The following KALRN variants were observed in gnomAD, a reference collection of about 807,000 sequenced individuals.
The protein encoded by KALRN is kalirin RhoGEF kinase.
KALRN carries 70 observed loss-of-function variants against 353.7 expected under a neutral mutation model. That is an observed-to-expected ratio of 0.20 (90% confidence interval 0.16 to 0.24). The LOEUF is 0.24. Among genes scored for constraint, KALRN ranks in the 10% least tolerant of loss-of-function variants. The pLI, the probability that KALRN is intolerant of heterozygous loss-of-function variation, is 1.00. For synonymous variants in KALRN, 1,391 were observed against 1,434.8 expected, an observed-to-expected ratio of 0.97 and a Z score of 0.69; for missense variants, 2,791 against 3,756.7, an observed-to-expected ratio of 0.74 and a Z score of 6.72.
At chr3:124,135,561 G>T (rs1055037594) in intron 1 of KALRN, among the ~76,000 whole-genome samples, 1 of 152,170 alleles carries the variant, frequency 6.6e-6, no homozygotes. Flanking sequence ...CTTTGAAAGG[G>T]TGTGGGGGTG....
chr3:124,452,184 G>A (rs2058851138), intron 21 of KALRN, among the ~76,000 whole-genome samples: 1 of 152,124 alleles, frequency 6.6e-6, no homozygotes, highest in South Asian at 2.1e-4. Context: ...ACTCCCAGTG[G>A]GGACCATGGC....
At chr3:124,580,383 G>C (rs1263500440) in intron 34 of KALRN, among the ~76,000 whole-genome samples, 4 of 151,748 alleles carry the variant, frequency 2.6e-5, no homozygotes, top group East Asian at 3.9e-4. Flanking sequence ...TGGGGAGGGG[G>C]GACTCAGGCA....
chr3:124,683,691 C>A (rs1169341864), intron 51 of KALRN, among the ~76,000 whole-genome samples: 1 of 152,198 alleles, frequency 6.6e-6, no homozygotes, highest in Non-Finnish European at 1.5e-5. Context: ...ATTCAACATG[C>A]CACTGGCCTC....
intron 33 of KALRN, among the ~76,000 whole-genome samples, chr3:124,515,590 T>C (rs77865029): frequency 1.2e-4 from 19 of 152,158 alleles, no homozygotes; most frequent in East Asian, 9.7e-4. Flanking sequence ...AAAAAGTTGA[T>C]CTCAGGCTCT....
chr3:124,188,481 G>A (rs956721670), intron 1 of KALRN, among the ~76,000 whole-genome samples: 3 of 152,220 alleles, frequency 2.0e-5, no homozygotes, highest in African/African-American at 7.2e-5. Flanking sequence ...GGCTGGTTCT[G>A]ACAGAAATTG....
chr3:124,084,589 A>G (rs556020000), intron 1 of KALRN, among the ~76,000 whole-genome samples: 1 of 152,340 alleles, frequency 6.6e-6, no homozygotes, highest in South Asian at 2.1e-4. Context: ...GAAAGAAGGA[A>G]GCATGTTTAG....
chr3:124,090,197 G>C (rs1009105736), intron 1 of KALRN, among the ~76,000 whole-genome samples: 8 of 152,150 alleles, frequency 5.3e-5, no homozygotes, highest in African/African-American at 1.9e-4. Context: ...GAAGCCCCCA[G>C]AGAAGGGGTA....
At chr3:124,480,052 A>G (rs534266597) in intron 27 of KALRN, among the ~76,000 whole-genome samples, 1 of 152,264 alleles carries the variant, frequency 6.6e-6, no homozygotes, top group Non-Finnish European at 1.5e-5. Flanking sequence ...ATCACACAGC[A>G]TGGGTGTGAT....
chr3:124,671,293 C>T (rs970004917), intron 47 of KALRN, among the ~76,000 whole-genome samples: 1 of 152,168 alleles, frequency 6.6e-6, no homozygotes, highest in African/African-American at 2.4e-5. Context: ...TCCTCTTCCT[C>T]CTAGACACCC....
intron 23 of KALRN, among the ~76,000 whole-genome samples, chr3:124,457,399 A>G (rs934464171): frequency 6.6e-6 from 1 of 152,120 alleles, no homozygotes. Context: ...ATTCCCATCA[A>G]TAGTGTCACT....
intron 32 of KALRN, among the ~76,000 whole-genome samples, chr3:124,495,994 T>TATATAC (rs2063763461): frequency 2.3e-4 from 13 of 57,462 alleles, no homozygotes; most frequent in Non-Finnish European, 3.0e-4. Context: ...TATATATATA[T>TATATAC]ATATATATAT....
chr3:124,143,283 A>T (rs1022864239), intron 1 of KALRN, among the ~76,000 whole-genome samples: 1 of 152,138 alleles, frequency 6.6e-6, no homozygotes, highest in Non-Finnish European at 1.5e-5. Context: ...TGTCATGTGG[A>T]TGGTGGATGT....
At chr3:124,143,223 C>T (rs1390783519) in intron 1 of KALRN, among the ~76,000 whole-genome samples, 1 of 152,106 alleles carries the variant, frequency 6.6e-6, no homozygotes, top group Non-Finnish European at 1.5e-5. Context: ...TCCGCAGCCA[C>T]CAAAAAAGCT....
At chr3:124,183,853 T>C (rs1285966261) in intron 1 of KALRN, among the ~76,000 whole-genome samples, 1 of 152,220 alleles carries the variant, frequency 6.6e-6, no homozygotes, top group Non-Finnish European at 1.5e-5. Context: ...TAAAAATGTC[T>C]TTGTTCCAGG....
At chr3:124,235,210 G>A (rs968290706) in intron 3 of KALRN, among the ~76,000 whole-genome samples, 4 of 152,200 alleles carry the variant, frequency 2.6e-5, no homozygotes, top group Non-Finnish European at 5.9e-5. Flanking sequence ...CTATGACACT[G>A]ATTTAGGTCA....
At chr3:124,639,440 G>T (rs1037845025) in intron 37 of KALRN, among the ~76,000 whole-genome samples, 4 of 152,034 alleles carry the variant, frequency 2.6e-5, no homozygotes, top group Non-Finnish European at 4.4e-5. Flanking sequence ...ATTATTTTTT[G>T]CTCTATTAGT....
At chr3:124,332,425 C>T (rs1012317199) in intron 8 of KALRN, among the ~76,000 whole-genome samples, 3 of 152,066 alleles carry the variant, frequency 2.0e-5, no homozygotes, top group African/African-American at 7.2e-5. Flanking sequence ...TTTTCATCTC[C>T]AAAAGCCTTC....
chr3:124,158,050 A>G (rs2069279273), intron 1 of KALRN, among the ~76,000 whole-genome samples: 1 of 152,174 alleles, frequency 6.6e-6, no homozygotes, highest in Non-Finnish European at 1.5e-5. Flanking sequence ...TCTTTCTCCT[A>G]GGATAGACTG....
chr3:124,308,509 A>G lies in KALRN; in HGVS notation c.1092+9596A>G, dbSNP rs368745879. On this transcript the variant is annotated intron_variant, in intron 6 of 59. Coordinates refer to ENST00000682506, the MANE Select transcript of KALRN (RefSeq NM_001388419.1). ...TGGAATGAAATTAGAAATCGGTAACAGAAAGAATTTCAGAAATTCACGAAT... is the reference window on the plus strand; with the variant it reads ...TGGAATGAAATTAGAAATCGGTAACGGAAAGAATTTCAGAAATTCACGAAT... 3.9e-5 allele frequency among the ~76,000 whole-genome samples: 6 copies of G among 152,180 alleles called. No homozygotes were observed. The East Asian group carries it at 1.2e-3, about 29-fold the overall frequency.
Sources: allele counts gnomAD v4.1 joint callset (sites outside exome capture counted in the v4.1 genomes callset), GRCh38; gene constraint gnomAD v4.1.1; transcripts MANE v1.5; gene names NCBI Gene and HGNC (gene_info 2026-07-23, HGNC 2026-07-21).